The following TPRG1 variants were observed in gnomAD, a reference collection of about 807,000 sequenced individuals.
The protein encoded by TPRG1 is tumor protein p63-regulated gene 1 protein.
A neutral mutation model predicts 29.3 loss-of-function variants in TPRG1; 29 were observed. The ratio of observed to expected loss-of-function variants is 0.99; its 90% CI spans 0.74 to 1.35. The LOEUF (loss-of-function observed/expected upper bound fraction) is 1.35, where lower values mean the gene tolerates loss of function less well. Among genes scored for constraint, TPRG1 ranks in the 40% most tolerant of loss-of-function variants. TPRG1 has a pLI of 0.00. For synonymous variants in TPRG1, 130 were observed against 116.8 expected, an observed-to-expected ratio of 1.11 and a Z score of -0.73; for missense variants, 327 against 335.0, an observed-to-expected ratio of 0.98 and a Z score of 0.19.
upstream of TPRG1, among the ~76,000 whole-genome samples, chr3:189,171,549 G>A (rs998885468): frequency 2.0e-4 from 30 of 152,214 alleles, no homozygotes; most frequent in African/African-American, 7.0e-4. Flanking sequence ...GAGATTGTGT[G>A]TACATGTGTT....
chr3:189,102,054 A>G (rs1456276720), intron 1 of TPRG1, among the ~76,000 whole-genome samples: 1 of 152,120 alleles, frequency 6.6e-6, no homozygotes, highest in East Asian at 1.9e-4. Context: ...TCCTCTCTCT[A>G]TCTCTTAAAA....
intron 4 of TPRG1, among the ~76,000 whole-genome samples, chr3:189,063,299 C>T (rs559981926): frequency 9.2e-5 from 14 of 152,170 alleles, no homozygotes; most frequent in Non-Finnish European, 1.9e-4. Context: ...GGTAAATCTA[C>T]AGTTATAATT....
chr3:189,025,714 C>T (rs890567738), intron 4 of TPRG1, among the ~76,000 whole-genome samples: 7 of 152,110 alleles, frequency 4.6e-5, no homozygotes, highest in Non-Finnish European at 8.8e-5. Flanking sequence ...AGGAAAGAGA[C>T]ATGGAATAAT....
chr3:189,046,160 G>C lies in TPRG1; in HGVS notation c.-463+22214G>C, dbSNP rs543828952. On this transcript the variant is annotated intron_variant, in intron 4 of 10. Transcript: ENST00000433971. ...GGGGAAACCAAGGAAAAACCCAATC[G>C]AATCTTGGTTTGGGCCAATGGTTCT... 2.6e-5 allele frequency among the ~76,000 whole-genome samples: 4 copies of C among 152,334 alleles called. No homozygotes were observed. In the South Asian group the frequency reaches 8.3e-4, roughly 32 times the overall value.
intron 4 of TPRG1, among the ~76,000 whole-genome samples, chr3:189,074,510 T>G (rs1293291340): frequency 6.6e-6 from 1 of 151,986 alleles, no homozygotes; most frequent in Non-Finnish European, 1.5e-5. Flanking sequence ...GGCCCAGAAT[T>G]GTTTTCTTTT....
intron 4 of TPRG1, among the ~76,000 whole-genome samples, chr3:189,266,901 A>G (rs1168310609): frequency 2.0e-5 from 3 of 150,298 alleles, no homozygotes; most frequent in African/African-American, 7.4e-5. Context: ...TTTCCCCTTT[A>G]TGCTAACTTG....
At chr3:189,064,561 A>G (rs1716314246) in intron 4 of TPRG1, among the ~76,000 whole-genome samples, 1 of 152,198 alleles carries the variant, frequency 6.6e-6, no homozygotes, top group African/African-American at 2.4e-5. Flanking sequence ...TTAAAATGAG[A>G]AATGATAGAC....
At chr3:189,293,031 G>A (rs183830932) in intron 4 of TPRG1, among the ~76,000 whole-genome samples, 7 of 152,238 alleles carry the variant, frequency 4.6e-5, no homozygotes, top group Non-Finnish European at 7.4e-5. Flanking sequence ...AATAGGAACC[G>A]GCAACCTCCG....
At chr3:189,122,698 A>G (rs527544583) in intron 1 of TPRG1, among the ~76,000 whole-genome samples, 2 of 152,356 alleles carry the variant, frequency 1.3e-5, no homozygotes, top group African/African-American at 4.8e-5. Flanking sequence ...GGTTAGGCTT[A>G]GACCTGCTGC....
chr3:189,247,682 G>A (rs1741562765), intron 4 of TPRG1, among the ~76,000 whole-genome samples: 1 of 151,946 alleles, frequency 6.6e-6, no homozygotes, highest in Admixed American at 6.6e-5. Context: ...ATTATTTTCA[G>A]GAAAAGCAGT....
At chr3:189,237,801 G>A (rs1166286635) in intron 3 of TPRG1, among the ~76,000 whole-genome samples, 1 of 152,172 alleles carries the variant, frequency 6.6e-6, no homozygotes, top group Non-Finnish European at 1.5e-5. Flanking sequence ...TTGATTCTGT[G>A]TGGTGAGGAT....
intron 3 of TPRG1, among the ~76,000 whole-genome samples, chr3:189,238,150 A>G (rs1739844788): frequency 6.6e-6 from 1 of 152,226 alleles, no homozygotes; most frequent in South Asian, 2.1e-4. Context: ...TGGTTCATAA[A>G]AATCTCACTT....
chr3:189,138,824 A>C (rs1724126108), intron 3 of TPRG1, among the ~76,000 whole-genome samples: 1 of 152,128 alleles, frequency 6.6e-6, no homozygotes, highest in South Asian at 2.1e-4. Context: ...ATAAGATAGA[A>C]CTTGATGAAA....
intron 3 of TPRG1, among the ~76,000 whole-genome samples, chr3:189,013,471 T>C (rs556610533): frequency 2.7e-4 from 41 of 152,274 alleles, no homozygotes; most frequent in African/African-American, 9.6e-4. Flanking sequence ...AAGTGCTATG[T>C]GGCAATAAGA....
chr3:189,263,642 A>C (rs183491917), intron 4 of TPRG1, among the ~76,000 whole-genome samples: 6 of 152,350 alleles, frequency 3.9e-5, no homozygotes, highest in Admixed American at 1.3e-4. Flanking sequence ...TCAGTGTATA[A>C]AGTAAATAAA....
At chr3:189,032,685 G>A (rs138354103) in intron 4 of TPRG1, among the ~76,000 whole-genome samples, 2,752 of 150,860 alleles carry the variant, frequency 0.018, 81 homozygotes, top group African/African-American at 0.063. Flanking sequence ...CCATGCTGGT[G>A]TGCTGCACCC....
intron 3 of TPRG1, among the ~76,000 whole-genome samples, chr3:189,145,770 C>T (rs955608046): frequency 6.6e-6 from 1 of 152,196 alleles, no homozygotes; most frequent in Non-Finnish European, 1.5e-5. Flanking sequence ...AAAAGATATG[C>T]GTGGAGATGA....
intron 2 of TPRG1, among the ~76,000 whole-genome samples, chr3:189,130,935 G>A (rs1672543345): frequency 6.6e-6 from 1 of 152,102 alleles, no homozygotes. Context: ...AACAATGGTG[G>A]ATCTTGAGCT....
intron 4 of TPRG1, among the ~76,000 whole-genome samples, chr3:189,241,600 T>C (rs1740607301): frequency 6.6e-6 from 1 of 152,024 alleles, no homozygotes. Flanking sequence ...AGTTTTGGGG[T>C]ATTGATATGG....
Sources: allele counts gnomAD v4.1 joint callset (sites outside exome capture counted in the v4.1 genomes callset), GRCh38; gene constraint gnomAD v4.1.1; transcripts MANE v1.5; gene names NCBI Gene and HGNC (gene_info 2026-07-23, HGNC 2026-07-21).